The following FUBP3 variants were observed in gnomAD, a reference collection of about 807,000 sequenced individuals.
FUBP3 encodes far upstream element-binding protein 3.
Under a neutral mutation model 85.6 loss-of-function variants are expected in FUBP3, and 28 were observed. The observed-to-expected ratio is 0.33, with a 90% confidence interval of 0.24 to 0.45. FUBP3 has a LOEUF of 0.45. FUBP3 is among the 20% of genes least tolerant of loss of function. The pLI is 1.00. For synonymous variants in FUBP3, 271 were observed against 271.4 expected (o/e 1.00, Z 0.01); for missense variants, 583 against 755.1 (o/e 0.77, Z 2.67).
chr9:130,589,732 A>ATT (rs1564191169), intron 1 of FUBP3, among the ~76,000 whole-genome samples: 3 of 93,888 alleles, frequency 3.2e-5, no homozygotes, highest in East Asian at 3.1e-4. Flanking sequence ...TTTTTTTAAG[A>ATT]GACAGGGTCT....
At chr9:130,622,645 A>AAG in intron 9 of FUBP3, 63 bp from the exon 10 acceptor site, 2 of 743,194 alleles carry the variant, frequency 2.7e-6, no homozygotes, top group Admixed American at 2.5e-5. Context: ...AAAAAAAAAA[A>AAG]GTGCCCTTTA....
At chr9:130,627,282 T>A (rs1830015943) in intron 12 of FUBP3, among the ~76,000 whole-genome samples, 1 of 152,258 alleles carries the variant, frequency 6.6e-6, no homozygotes, top group African/African-American at 2.4e-5. Flanking sequence ...CAGGCCTCGC[T>A]GCCAGCGGGG....
intron 1 of FUBP3, among the ~76,000 whole-genome samples, chr9:130,584,714 C>G (rs1036318684): frequency 6.6e-6 from 1 of 150,392 alleles, no homozygotes; most frequent in African/African-American, 2.5e-5. Flanking sequence ...ACTAAAAATA[C>G]AAAAATTAGC....
At position 130,612,008 on chromosome 9, in the gene FUBP3, G is replaced by A. The variant is rs184745458; in HGVS notation, c.225-448G>A. Among the ~76,000 whole-genome samples, 124 of 152,310 alleles carry A rather than the reference G, an allele frequency of 8.1e-4. No individual in the cohort carries two copies. The highest frequency in any genetic ancestry group is 3.1e-3 in the Admixed American group (47 of 15,304). ...ATAAAAAGATTGGGAAACAAGGGAT[G>A]TTGAAGAAAAGATGGATATCTCTTC... On this transcript the variant is annotated intron_variant, in intron 3 of 18. Transcript: ENST00000319725. The surrounding 1 kb of genome is among the most constrained non-coding windows in gnomAD (Gnocchi z 4.1).
intron 2 of FUBP3, among the ~76,000 whole-genome samples, chr9:130,607,377 C>T (rs889969100): frequency 3.3e-5 from 5 of 151,314 alleles, no homozygotes; most frequent in African/African-American, 1.2e-4. Flanking sequence ...CCAGGCAGTT[C>T]GTATTATATA....
Position 130,589,677 on chromosome 9 carries a change from A to ATG in FUBP3, c.85-5805_85-5804insGT, listed in dbSNP as rs1564190773. On this transcript the variant is annotated intron_variant, in intron 1 of 18. Transcript: ENST00000319725. ...TTTAAATATGTATGTATGTGTGTGT[A>ATG]TATATATATATATATATATATATAT... Among the ~76,000 whole-genome samples, 7 of 22,924 alleles carry ATG rather than the reference A, an allele frequency of 3.1e-4. 1 individual carries two copies. The highest frequency in any genetic ancestry group is 2.9e-3 in the East Asian group (2 of 688). 15.0% of individuals were successfully genotyped at this position (22,924 alleles called of 152,430 possible).
Position 130,579,696 on chromosome 9 carries a change from C to A in FUBP3, c.16C>A (p.Gln6Lys). Residue 6 changes from glutamine (Q) to lysine (K), a missense_variant, in exon 1 of 19, where the codon CAG becomes AAG. By Grantham distance (53) the Gln-to-Lys change is moderately conservative. Transcript: ENST00000319725. Reference sequence around the variant, plus strand: ...GGGGGCGGTAATGGCGGAGCTGGTGCAGGGGCAGAGCGCTCCTGTGGGGAT... The same window carrying A: ...GGGGGCGGTAATGGCGGAGCTGGTGAAGGGGCAGAGCGCTCCTGTGGGGAT... MAELV[Q>K]GQSAPVGMKA... 1 of 1,261,922 alleles carries A rather than the reference C, an allele frequency of 7.9e-7. No individual in the cohort carries two copies. The allele number at this position is 1,261,922 out of a possible 1,614,324, so 78.2% of individuals were successfully genotyped here. A position where few individuals can be genotyped will look rare whatever the true frequency, so the allele number is the denominator to read the frequency against.
intron 2 of FUBP3, among the ~76,000 whole-genome samples, chr9:130,608,451 G>A (rs1452248828): frequency 6.6e-6 from 1 of 152,154 alleles, no homozygotes. Flanking sequence ...ACTGCCCTAT[G>A]TGGCCAACAT....
intron 18 of FUBP3, 75 bp from the exon 19 acceptor site, chr9:130,636,939 C>T (rs1830442289): frequency 1.4e-5 from 18 of 1,299,298 alleles, no homozygotes; most frequent in Non-Finnish European, 1.9e-5. Flanking sequence ...TGACGCGAGA[C>T]CTGGGGGAGG....
At chr9:130,618,998 G>A (rs1010995509) in intron 8 of FUBP3, among the ~76,000 whole-genome samples, 1 of 152,202 alleles carries the variant, frequency 6.6e-6, no homozygotes, top group Non-Finnish European at 1.5e-5. Context: ...CCTTCTCTCA[G>A]TGCGAACAGT....
chr9:130,580,473 C>T (rs988773307), intron 1 of FUBP3, among the ~76,000 whole-genome samples: 1 of 152,198 alleles, frequency 6.6e-6, no homozygotes, highest in African/African-American at 2.4e-5. Context: ...TACTTACTGG[C>T]TTCTGGCATG....
chr9:130,603,994 C>G (rs1482345953), intron 2 of FUBP3, among the ~76,000 whole-genome samples: 1 of 152,164 alleles, frequency 6.6e-6, no homozygotes, highest in African/African-American at 2.4e-5. Flanking sequence ...CCCACGTGTC[C>G]TTCAACTGAT....
chr9:130,594,711 A>G (rs1373987082), intron 1 of FUBP3, among the ~76,000 whole-genome samples: 1 of 152,134 alleles, frequency 6.6e-6, no homozygotes, highest in Non-Finnish European at 1.5e-5. Flanking sequence ...GTGAACAATG[A>G]TCACATCACT....
At position 130,634,710 on chromosome 9, in the gene FUBP3, G is replaced by A. The variant is rs1830352718; in HGVS notation, c.1554G>A (p.Lys518=). 6.2e-7 allele frequency: 1 copy of A among 1,613,942 alleles called. No homozygotes were observed. Among genetic ancestry groups the A allele is most frequent in the African/African-American group, 1.3e-5 (1 of 74,950 alleles). Residue 518 remains lysine (K), a synonymous_variant, in exon 17 of 19, where the codon AAG becomes AAA. Coordinates refer to ENST00000319725, the MANE Select transcript of FUBP3 (RefSeq NM_003934.2). ...AGAGCAGCCAGCCCAACTACAGCAAGGCCTGGGAAGACTATTACAAAAAAC... is the reference window on the plus strand; with the variant it reads ...AGAGCAGCCAGCCCAACTACAGCAAAGCCTGGGAAGACTATTACAAAAAAC... The part of the protein sequence containing the change: ...QPQSSQPNYS[K]AWEDYYKKQS...
intron 15 of FUBP3, 87 bp downstream of exon 15, chr9:130,632,109 C>A: frequency 2.0e-6 from 3 of 1,465,972 alleles, no homozygotes; most frequent in South Asian, 1.1e-5. Flanking sequence ...TCCGGTGATG[C>A]TTGGCTGGGG....
At chr9:130,588,984 G>A (rs985421340) in intron 1 of FUBP3, among the ~76,000 whole-genome samples, 1 of 152,158 alleles carries the variant, frequency 6.6e-6, no homozygotes, top group South Asian at 2.1e-4. Flanking sequence ...CCACACCCTC[G>A]ATGCTGGTGT....
chr9:130,621,923 AAG>A (rs1829766717), intron 9 of FUBP3, among the ~76,000 whole-genome samples: 1 of 152,028 alleles, frequency 6.6e-6, no homozygotes. Flanking sequence ...AGAAAAAAAA[AAG>A]AACGCAGTTC....
At chr9:130,585,916 T>A (rs1830319470) in intron 1 of FUBP3, among the ~76,000 whole-genome samples, 1 of 152,226 alleles carries the variant, frequency 6.6e-6, no homozygotes, top group Non-Finnish European at 1.5e-5. Flanking sequence ...TTCTGTGTAG[T>A]CTTTATTCTG....
chr9:130,614,266 A>G (rs746225075), intron 5 of FUBP3, 22 bp from the exon 6 acceptor site: 61 of 1,557,236 alleles, frequency 3.9e-5, no homozygotes, highest in Middle Eastern at 1.7e-4. Context: ...AACACCCCTC[A>G]TCTTCTTGAT....
Sources: gnomAD v4.1 joint callset for allele counts (sites outside exome capture counted in the v4.1 genomes callset) on GRCh38, gnomAD v4.1.1 for gene constraint, Gnocchi (gnomAD v3.1) non-coding constraint, MANE v1.5 for transcripts, NCBI Gene and HGNC (gene_info 2026-07-23, HGNC 2026-07-21) for gene names.